Variants in HS3ST3B1 observed in about 807,000 individuals in gnomAD.
HS3ST3B1 encodes the protein heparan sulfate-glucosamine 3-sulfotransferase 3B1.
HS3ST3B1 carries 13 observed loss-of-function variants against 21.3 expected under a neutral mutation model. That is an observed-to-expected ratio of 0.61 (90% CI 0.40 to 0.97). The LOEUF is 0.97. Ranked by LOEUF, HS3ST3B1 falls within the 50% of genes least tolerant of loss-of-function variation. The pLI, the probability that HS3ST3B1 is intolerant of heterozygous loss-of-function variation, is 0.00. For missense variants in HS3ST3B1, 459 were observed against 554.8 expected (o/e 0.83, Z 1.73); for synonymous variants, 234 against 254.8 (o/e 0.92, Z 0.78).
At chr17:14,305,669 C>T (rs752059387) in intron 1 of HS3ST3B1, among the ~76,000 whole-genome samples, 3 of 152,158 alleles carry the variant, frequency 2.0e-5, no homozygotes, top group Non-Finnish European at 4.4e-5. Context: ...CCACCTCGGT[C>T]CCCCTTTCCA....
At chr17:14,329,470 GAAAGAA>G (rs1245458099) in intron 1 of HS3ST3B1, 1 of 146,064 alleles carries the variant, frequency 6.8e-6, no homozygotes, top group Non-Finnish European at 1.5e-5. Context: ...GAGAGAGAAA[GAAAGAA>G]AAAGAAAGAA....
chr17:14,337,379 G>A (rs896281161), intron 1 of HS3ST3B1, among the ~76,000 whole-genome samples: 2 of 151,298 alleles, frequency 1.3e-5, no homozygotes, highest in Admixed American at 6.6e-5. Flanking sequence ...CCAGGCTGGA[G>A]TGCAGTGTCA....
At chr17:14,338,189 A>C (rs1910247124) in intron 1 of HS3ST3B1, among the ~76,000 whole-genome samples, 1 of 151,376 alleles carries the variant, frequency 6.6e-6, no homozygotes, top group Non-Finnish European at 1.5e-5. Context: ...GCAGTGGTGC[A>C]ATCTCAGCTC....
Position 14,346,116 on chromosome 17 carries a change from C to T in HS3ST3B1, c.*470C>T, listed in dbSNP as rs73979332. The T allele has an allele frequency of 0.083, 13,661 of 164,482 alleles. 759 individuals are homozygous for T. Among genetic ancestry groups the T allele is most frequent in the East Asian group, 0.22 (1,217 of 5,520 alleles). 10.2% of individuals were successfully genotyped at this position (164,482 alleles called of 1,614,324 possible). A position where few individuals can be genotyped will look rare whatever the true frequency, so the allele number is the denominator to read the frequency against. On this transcript the variant is annotated 3_prime_UTR_variant, in exon 2 of 2. Transcript: ENST00000360954. ...AGGGCAGGCCTCATGCAGCAGCCTC[C>T]TTGCAGATGTGGTGTCCCGTCCAAT...
At chr17:14,312,948 A>C (rs1333215072) in intron 1 of HS3ST3B1, among the ~76,000 whole-genome samples, 2 of 139,678 alleles carry the variant, frequency 1.4e-5, no homozygotes, top group Non-Finnish European at 3.0e-5. Flanking sequence ...TCTTTCACCC[A>C]GGCTGGAGTG....
At chr17:14,325,216 G>A (rs1909772065) in intron 1 of HS3ST3B1, among the ~76,000 whole-genome samples, 1 of 152,246 alleles carries the variant, frequency 6.6e-6, no homozygotes, top group African/African-American at 2.4e-5. Flanking sequence ...GCCCCTCCAA[G>A]AAGCACATGG....
At chr17:14,323,650 G>A (rs1409016206) in intron 1 of HS3ST3B1, among the ~76,000 whole-genome samples, 1 of 152,088 alleles carries the variant, frequency 6.6e-6, no homozygotes, top group Non-Finnish European at 1.5e-5. Context: ...TGGGTGTGAG[G>A]AGGCTGATAA....
intron 1 of HS3ST3B1, chr17:14,329,464 GAGAA>G (rs1183558386): frequency 2.0e-5 from 3 of 148,846 alleles, no homozygotes; most frequent in East Asian, 2.0e-4. Flanking sequence ...GGGAGAGAGA[GAGAA>G]AGAAAGAAAA....
intron 1 of HS3ST3B1, among the ~76,000 whole-genome samples, chr17:14,311,612 C>CTACT (rs1754282316): frequency 6.6e-6 from 1 of 152,152 alleles, no homozygotes; most frequent in Admixed American, 6.5e-5. Flanking sequence ...GTTGGACAAA[C>CTACT]GGGTAATGAC....
intron 1 of HS3ST3B1, among the ~76,000 whole-genome samples, chr17:14,302,358 T>C (rs1043308482): frequency 6.6e-6 from 1 of 152,218 alleles, no homozygotes; most frequent in Admixed American, 6.5e-5. Flanking sequence ...GAGACCGCCC[T>C]CAGCAAAGCG....
chr17:14,311,552 G>T (rs1478547606), intron 1 of HS3ST3B1, among the ~76,000 whole-genome samples: 1 of 152,168 alleles, frequency 6.6e-6, no homozygotes, highest in Non-Finnish European at 1.5e-5. Context: ...ATCACTCAGG[G>T]TCCGTAGGTT....
chr17:14,332,541 C>T (rs1366056982), intron 1 of HS3ST3B1, among the ~76,000 whole-genome samples: 1 of 152,090 alleles, frequency 6.6e-6, no homozygotes, highest in Admixed American at 6.6e-5. Flanking sequence ...AGCTGGTCAC[C>T]TGAGTAGGTG....
intron 1 of HS3ST3B1, chr17:14,329,372 A>AAGGAAGGAAGGAAGGAAGGAAGGAG (rs1567641291): frequency 2.4e-5 from 2 of 83,556 alleles, no homozygotes; most frequent in African/African-American, 8.3e-5. Context: ...AAAGAAAAGG[A>AAGGAAGGAAGGAAGGAAGGAAGGAG]AGGAAGGAAG....
At chr17:14,304,432 C>T (rs1909061945) in intron 1 of HS3ST3B1, 3 of 152,234 alleles carry the variant, frequency 2.0e-5, no homozygotes, top group African/African-American at 7.2e-5. Context: ...CTTTTAAATG[C>T]CATCTGTTTA....
chr17:14,334,052 C>T (rs1194177904), intron 1 of HS3ST3B1, among the ~76,000 whole-genome samples: 1 of 152,198 alleles, frequency 6.6e-6, no homozygotes, highest in African/African-American at 2.4e-5. Flanking sequence ...TGAGCCACCG[C>T]GCCCGGCCAA....
Position 14,346,619 on chromosome 17 carries a change from G to A in HS3ST3B1, c.*973G>A, listed in dbSNP as rs1338493078. 1 of 152,390 alleles carries A rather than the reference G, an allele frequency of 6.6e-6. No individual in the cohort carries two copies. Among genetic ancestry groups the A allele is most frequent in the Admixed American group, 6.5e-5 (1 of 15,280 alleles). 9.4% of individuals were successfully genotyped at this position (152,390 alleles called of 1,614,324 possible). On this transcript the variant is annotated 3_prime_UTR_variant, in exon 2 of 2. Transcript: ENST00000360954. ...GCTTTTGATTTTGCAGGATGGCCCTGTGTCCTCCTCTGCCCCATTCCCTGG... is the reference window on the plus strand; with the variant it reads ...GCTTTTGATTTTGCAGGATGGCCCTATGTCCTCCTCTGCCCCATTCCCTGG...
chr17:14,326,940 A>C (rs1597595968), intron 1 of HS3ST3B1, among the ~76,000 whole-genome samples: 1 of 151,286 alleles, frequency 6.6e-6, no homozygotes, highest in South Asian at 2.1e-4. Flanking sequence ...AAAAAAAAAA[A>C]AAAAAAGAAG....
chr17:14,330,297 T>A (rs1909968582), intron 1 of HS3ST3B1, among the ~76,000 whole-genome samples: 1 of 151,902 alleles, frequency 6.6e-6, no homozygotes. Flanking sequence ...TAGGAGGAAG[T>A]GGTATGTGGG....
intron 1 of HS3ST3B1, among the ~76,000 whole-genome samples, chr17:14,336,303 A>T (rs1910184005): frequency 6.6e-6 from 1 of 152,216 alleles, no homozygotes; most frequent in African/African-American, 2.4e-5. Context: ...TTACCAGTTC[A>T]AACAGTAACT....
Sources: gnomAD v4.1 joint callset for allele counts (sites outside exome capture counted in the v4.1 genomes callset) on GRCh38, gnomAD v4.1.1 for gene constraint, MANE v1.5 for transcripts, NCBI Gene and HGNC (gene_info 2026-07-23, HGNC 2026-07-21) for gene names.